The following SEMA3E variants were observed in gnomAD, a reference collection of about 807,000 sequenced individuals.
SEMA3E encodes the protein semaphorin 3E.
SEMA3E carries 49 observed loss-of-function variants against 93.6 expected under a neutral mutation model. The observed-to-expected ratio is 0.52, with a 90% CI of 0.42 to 0.66. The LOEUF is 0.66. SEMA3E is among the 30% of genes least tolerant of loss of function. The pLI is 0.00. For synonymous variants in SEMA3E, 363 were observed against 330.7 expected, an observed-to-expected ratio of 1.10 and a Z score of -1.06; for missense variants, 906 against 964.8, an observed-to-expected ratio of 0.94 and a Z score of 0.81.
chr7:83,523,066 G>A (rs1313270596), intron 1 of SEMA3E, among the ~76,000 whole-genome samples: 1 of 152,126 alleles, frequency 6.6e-6, no homozygotes, highest in Non-Finnish European at 1.5e-5. Context: ...GGGTGAATCC[G>A]AGGAAATAGG....
chr7:83,637,139 C>T (rs906271684), intron 1 of SEMA3E, among the ~76,000 whole-genome samples: 1 of 151,802 alleles, frequency 6.6e-6, no homozygotes. Flanking sequence ...ATACCTATAC[C>T]TAGCTTCCCT....
At chr7:83,444,031 G>C (rs2115794202) in intron 4 of SEMA3E, among the ~76,000 whole-genome samples, 1 of 152,036 alleles carries the variant, frequency 6.6e-6, no homozygotes. Flanking sequence ...ACAGTCTCTT[G>C]AGATACTAAT....
At chr7:83,506,971 T>A (rs1790716940) in intron 1 of SEMA3E, among the ~76,000 whole-genome samples, 1 of 152,204 alleles carries the variant, frequency 6.6e-6, no homozygotes, top group Non-Finnish European at 1.5e-5. Flanking sequence ...AAATTGAAGA[T>A]CAGGTTCTTA....
At chr7:83,578,269 T>C (rs1444720436) in intron 1 of SEMA3E, among the ~76,000 whole-genome samples, 1 of 152,186 alleles carries the variant, frequency 6.6e-6, no homozygotes, top group Non-Finnish European at 1.5e-5. Context: ...CCAATGAATT[T>C]TTATACTATT....
chr7:83,618,799 GCTAT>G (rs776571387), intron 1 of SEMA3E, among the ~76,000 whole-genome samples: 12 of 151,778 alleles, frequency 7.9e-5, no homozygotes, highest in African/African-American at 2.7e-4. Flanking sequence ...TAAAATTGGG[GCTAT>G]CTTTCATACA....
intron 14 of SEMA3E, among the ~76,000 whole-genome samples, chr7:83,390,222 T>C (rs926265475): frequency 0.028 from 31 of 1,104 alleles, 11 homozygotes; most frequent in Admixed American, 0.25. Context: ...TGCGCGTATA[T>C]ATGCGCGTAT....
chr7:83,491,826 T>A (rs933322479), intron 1 of SEMA3E, among the ~76,000 whole-genome samples: 5 of 152,006 alleles, frequency 3.3e-5, no homozygotes, highest in African/African-American at 9.7e-5. Flanking sequence ...GAAAATAGTA[T>A]GAAAAATTAG....
At chr7:83,639,110 C>CAAAAAAAAAAAAAAAAAAAA (rs1172097095) in intron 1 of SEMA3E, among the ~76,000 whole-genome samples, 10 of 27,466 alleles carry the variant, frequency 3.6e-4, no homozygotes, top group South Asian at 1.5e-3. Context: ...GACTCCGTCT[C>CAAAAAAAAAAAAAAAAAAAA]AAAAAAAAAA....
At chr7:83,530,567 A>G (rs1276207293) in intron 1 of SEMA3E, among the ~76,000 whole-genome samples, 1 of 152,146 alleles carries the variant, frequency 6.6e-6, no homozygotes, top group African/African-American at 2.4e-5. Flanking sequence ...TTTCCAATAT[A>G]TATTCTTTTT....
intron 4 of SEMA3E, among the ~76,000 whole-genome samples, chr7:83,432,045 T>C (rs561251842): frequency 1.3e-5 from 2 of 151,958 alleles, no homozygotes; most frequent in South Asian, 4.2e-4. Flanking sequence ...GTTTTCTAAT[T>C]CAAAGTCTCA....
At chr7:83,547,573 T>C (rs1367753896) in intron 1 of SEMA3E, among the ~76,000 whole-genome samples, 4 of 152,138 alleles carry the variant, frequency 2.6e-5, no homozygotes, top group Non-Finnish European at 5.9e-5. Flanking sequence ...TGGTCCGCTG[T>C]GGTCAGACAT....
At chr7:83,386,215 C>T (rs1787876486) in intron 15 of SEMA3E, among the ~76,000 whole-genome samples, 2 of 152,078 alleles carry the variant, frequency 1.3e-5, no homozygotes, top group African/African-American at 2.4e-5. Context: ...AGGCTTGAGT[C>T]CTCCACTGAA....
intron 1 of SEMA3E, among the ~76,000 whole-genome samples, chr7:83,551,885 A>G (rs1214684720): frequency 6.6e-6 from 1 of 152,182 alleles, no homozygotes; most frequent in Non-Finnish European, 1.5e-5. Flanking sequence ...GTGACAATCA[A>G]AAATGTCTCC....
chr7:83,387,926 AT>A (rs1211940536), intron 14 of SEMA3E, among the ~76,000 whole-genome samples: 1 of 146,816 alleles, frequency 6.8e-6, no homozygotes, highest in Non-Finnish European at 1.5e-5. Flanking sequence ...AATATATGTA[AT>A]ATACATATGT....
chr7:83,369,752 G>A (rs1182039544), intron 16 of SEMA3E, among the ~76,000 whole-genome samples: 1 of 152,102 alleles, frequency 6.6e-6, no homozygotes, highest in Non-Finnish European at 1.5e-5. Context: ...AACTGTTATA[G>A]GCAACTAACT....
chr7:83,520,832 G>A (rs1299171075), intron 1 of SEMA3E, among the ~76,000 whole-genome samples: 1 of 152,048 alleles, frequency 6.6e-6, no homozygotes, highest in African/African-American at 2.4e-5. Context: ...AATTTTTTTT[G>A]TAACTGGTCA....
intron 1 of SEMA3E, among the ~76,000 whole-genome samples, chr7:83,522,513 G>T (rs555861494): frequency 1.3e-5 from 2 of 152,072 alleles, no homozygotes; most frequent in African/African-American, 4.8e-5. Flanking sequence ...AGGGGATTTT[G>T]CCTGAGATTG....
chr7:83,394,711 TC>T (rs1206194341), intron 12 of SEMA3E, among the ~76,000 whole-genome samples: 3 of 152,204 alleles, frequency 2.0e-5, no homozygotes, highest in African/African-American at 7.2e-5. Context: ...AACCATTGTG[TC>T]TTTCAATAGG....
At chr7:83,587,386 A>C (rs1290703179) in intron 1 of SEMA3E, among the ~76,000 whole-genome samples, 4 of 152,132 alleles carry the variant, frequency 2.6e-5, no homozygotes, top group Non-Finnish European at 5.9e-5. Flanking sequence ...ATACCAGTTC[A>C]TTTTACAGAG....
Sources: gnomAD v4.1 joint callset for allele counts (sites outside exome capture counted in the v4.1 genomes callset) on GRCh38, gnomAD v4.1.1 for gene constraint, MANE v1.5 for transcripts, NCBI Gene and HGNC (gene_info 2026-07-23, HGNC 2026-07-21) for gene names.